KCNQ1: variants seen among roughly 807,000 people sequenced by gnomAD.
KCNQ1 encodes potassium voltage-gated channel subfamily Q member 1.
KCNQ1 carries 49 observed loss-of-function variants against 72.4 expected under a neutral mutation model. That is an observed-to-expected ratio of 0.68 (90% CI 0.54 to 0.86). The LOEUF (loss-of-function observed/expected upper bound fraction) is 0.86. Among genes scored for constraint, KCNQ1 ranks in the 40% least tolerant of loss-of-function variants. KCNQ1 has a pLI of 0.00. For synonymous variants in KCNQ1, 450 were observed against 412.6 expected, an observed-to-expected ratio of 1.09 and a Z score of -1.10; for missense variants, 790 against 945.1, an observed-to-expected ratio of 0.84 and a Z score of 2.15.
rs1459307729 is a variant in KCNQ1, at chr11:2,724,191, G to A, written c.1515-44653G>A. Among the ~76,000 whole-genome samples the A allele has an allele frequency of 6.6e-6, 1 of 152,132 alleles. No individual in the cohort carries two copies. Among genetic ancestry groups the A allele is most frequent in the Non-Finnish European group, 1.5e-5 (1 of 68,022 alleles). ...GAAGGAAAGACAGAAAGAAAAACAC[G>A]CACAGATCCAGGCTCAGATGATATA... is the stretch of plus-strand genomic sequence containing the variant. On this transcript the variant is annotated intron_variant, in intron 11 of 15. Coordinates refer to ENST00000155840, the MANE Select transcript of KCNQ1 (RefSeq NM_000218.3). This position sits in a 1 kb window ranked among gnomAD's most constrained non-coding sequence, Gnocchi z 6.8.
intron 15 of KCNQ1, among the ~76,000 whole-genome samples, chr11:2,806,025 A>G (rs1847365438): frequency 6.6e-6 from 1 of 152,180 alleles, no homozygotes; most frequent in South Asian, 2.1e-4. Context: ...ATTAGGGACA[A>G]TTATGCAGCT....
At position 2,657,170 on chromosome 11, in the gene KCNQ1, T is replaced by A. The variant is rs570340429; in HGVS notation, c.1394-4791T>A. The A allele has an allele frequency of 1.0e-5, 4 of 398,666 alleles. No homozygotes were observed. The South Asian group carries it at 5.1e-4, about 51-fold the overall frequency. The allele number at this position is 398,666 out of a possible 1,614,324, so 24.7% of individuals were successfully genotyped here. A position where few individuals can be genotyped will look rare whatever the true frequency, so the allele number is the denominator to read the frequency against. ...TTTGGTACAGCAAGTTCTCCCACCT[T>A]GTTCTTCTTCAAGAATATTGCCAAT... On this transcript the variant is annotated intron_variant, in intron 10 of 15. Coordinates refer to ENST00000155840, the MANE Select transcript of KCNQ1 (RefSeq NM_000218.3). The surrounding 1 kb of genome is among the most constrained non-coding windows in gnomAD (Gnocchi z 4.8).
Position 2,652,884 on chromosome 11 carries a change from G to A in KCNQ1, c.1394-9077G>A. On this transcript the variant is annotated intron_variant, in intron 10 of 15. Transcript: ENST00000155840. The surrounding 1 kb of genome is among the most constrained non-coding windows in gnomAD (Gnocchi z 5.9). ...CTTATTCTAAGGAGAAGTGTTTGGG[G>A]TGTGGGGTGTGGTCCTCAGTATCCT... 1 of 398,702 alleles carries A rather than the reference G, an allele frequency of 2.5e-6. No homozygotes were observed. The highest frequency in any genetic ancestry group is 4.4e-6 in the Non-Finnish European group (1 of 226,124). The allele number at this position is 398,702 out of a possible 1,614,324, so 24.7% of individuals were successfully genotyped here. A position where few individuals can be genotyped will look rare whatever the true frequency, so the allele number is the denominator to read the frequency against.
rs907023459 is a variant in KCNQ1, at chr11:2,672,228, A to G, written c.1514+10147A>G. ...GTTAAATTGAATTCCTTCCAGTCCA[A>G]AATACTCAAATGCTTTTTTCTGCTT... On this transcript the variant is annotated intron_variant, in intron 11 of 15. Coordinates refer to ENST00000155840, the MANE Select transcript of KCNQ1 (RefSeq NM_000218.3). The G allele has an allele frequency of 1.4e-4, 57 of 398,476 alleles. No homozygotes were observed. The highest frequency in any genetic ancestry group is 1.8e-4 in the Admixed American group (4 of 22,714). 24.7% of individuals were successfully genotyped at this position (398,476 alleles called of 1,614,324 possible).
rs1241425844 is a variant in KCNQ1, at chr11:2,515,121, G to T, written c.387-12807G>T. Among the ~76,000 whole-genome samples the T allele has an allele frequency of 6.6e-6, 1 of 152,144 alleles. No homozygotes were observed. Among genetic ancestry groups the T allele is most frequent in the African/African-American group, 2.4e-5 (1 of 41,416 alleles). ...GTTTGGGCTTCTCGTGCGCCCATCA[G>T]CCGGATATTGGACGTTATACTCAAT... On this transcript the variant is annotated intron_variant, in intron 1 of 15. Transcript: ENST00000155840. The surrounding 1 kb of genome is among the most constrained non-coding windows in gnomAD (Gnocchi z 4.7).
rs1298603102 is a variant in KCNQ1, at chr11:2,593,611, T to C, written c.1393+4757T>C. ...GCGTGCTGGAGGAGCATGCATCACA[T>C]ACCCAGAGGTCCCCAGTGTGGTCTG... On this transcript the variant is annotated intron_variant, in intron 10 of 15. Transcript: ENST00000155840. The surrounding 1 kb of genome is among the most constrained non-coding windows in gnomAD (Gnocchi z 6.9). Among the ~76,000 whole-genome samples the C allele has an allele frequency of 6.6e-6, 1 of 152,294 alleles. No individual in the cohort carries two copies. The highest frequency in any genetic ancestry group is 1.9e-4 in the East Asian group (1 of 5,172).
At chr11:2,700,056 C>T (rs1291088896) in intron 11 of KCNQ1, 3 of 398,034 alleles carry the variant, frequency 7.5e-6, no homozygotes, top group Non-Finnish European at 1.3e-5. Context: ...GACCGCCCCC[C>T]ACCTGCTGAT....
In KCNQ1 at chr11:2,559,440, T is replaced by A. The variant is rs1848126482; in HGVS notation, c.478-11188T>A. On this transcript the variant is annotated intron_variant, in intron 2 of 15. Transcript: ENST00000155840. The surrounding 1 kb of genome is among the most constrained non-coding windows in gnomAD (Gnocchi z 4.9). ...GGGGCAGGGGGAGGGCCAGCCCCTG[T>A]GGTTTTAGCCTCCTGAGAGTCTCCC... 6.6e-6 allele frequency among the ~76,000 whole-genome samples: 1 copy of A among 152,002 alleles called. No homozygotes were observed. Among genetic ancestry groups the A allele is most frequent in the South Asian group, 2.1e-4 (1 of 4,820 alleles).
chr11:2,793,497 G>A (rs966629081), intron 15 of KCNQ1, among the ~76,000 whole-genome samples: 3 of 152,212 alleles, frequency 2.0e-5, no homozygotes, highest in African/African-American at 4.8e-5. Flanking sequence ...GATGGTGTGT[G>A]CCTGTGGTCC....
rs1371046652 is a variant in KCNQ1 at position 2,549,262 on chromosome 11, C to A, written c.477+21244C>A. Among the ~76,000 whole-genome samples the A allele has an allele frequency of 6.6e-6, 1 of 152,188 alleles. No homozygotes were observed. Among genetic ancestry groups the A allele is most frequent in the Admixed American group, 6.5e-5 (1 of 15,288 alleles). ...AGTGCCACCAGGAGCCCACTGGTGC[C>A]AGGATGCTGGGGTGGGGCTATGGGG... is the stretch of plus-strand genomic sequence containing the variant. On this transcript the variant is annotated intron_variant, in intron 2 of 15. Coordinates refer to ENST00000155840, the MANE Select transcript of KCNQ1 (RefSeq NM_000218.3). This position sits in a 1 kb window ranked among gnomAD's most constrained non-coding sequence, Gnocchi z 6.2.
rs1032259779 is a variant in KCNQ1, at chr11:2,670,309, T to C, written c.1514+8228T>C. On this transcript the variant is annotated intron_variant, in intron 11 of 15. Transcript: ENST00000155840. The surrounding 1 kb of genome is among the most constrained non-coding windows in gnomAD (Gnocchi z 4.9). The stretch of plus-strand genomic sequence containing the variant: ...AACCCATAGGTGCCCAATGGAGAGA[T>C]AATCTCAAATATGGTAGCAGAGTTC... 1.3e-5 allele frequency: 5 copies of C among 398,454 alleles called. No individual in the cohort carries two copies. Among genetic ancestry groups the C allele is most frequent in the African/African-American group, 2.1e-5 (1 of 48,588 alleles). 24.7% of individuals were successfully genotyped at this position (398,454 alleles called of 1,614,324 possible). A position where few individuals can be genotyped will look rare whatever the true frequency, so the allele number is the denominator to read the frequency against.
chr11:2,493,763 G>A lies in KCNQ1; in HGVS notation c.387-34165G>A, dbSNP rs1846870210. On this transcript the variant is annotated intron_variant, in intron 1 of 15. Transcript: ENST00000155840. This position sits in a 1 kb window ranked among gnomAD's most constrained non-coding sequence, Gnocchi z 5.3. Reference sequence around the variant, plus strand: ...TTCGTTACTATAGCCTTGTAGTATAGTTTGAAGTCAGGTAGTGTGATGCCT... The same window carrying A: ...TTCGTTACTATAGCCTTGTAGTATAATTTGAAGTCAGGTAGTGTGATGCCT... Among the ~76,000 whole-genome samples, 1 of 152,172 alleles carries A rather than the reference G, an allele frequency of 6.6e-6. No homozygotes were observed. Among genetic ancestry groups the A allele is most frequent in the Non-Finnish European group, 1.5e-5 (1 of 68,026 alleles).
intron 2 of KCNQ1, among the ~76,000 whole-genome samples, chr11:2,531,374 A>C (rs894577125): frequency 9.9e-5 from 15 of 152,262 alleles, no homozygotes; most frequent in African/African-American, 3.6e-4. Context: ...CCCATGCGGC[A>C]TCTAAACCAG....
chr11:2,541,088 C>T lies in KCNQ1; in HGVS notation c.477+13070C>T, dbSNP rs1319307460. ...ACGTTCAGGCTCAGACACGTGCCTG[C>T]ATGCACACGTGCACACGTGCACACC... On this transcript the variant is annotated intron_variant, in intron 2 of 15. Coordinates refer to ENST00000155840, the MANE Select transcript of KCNQ1 (RefSeq NM_000218.3). This position sits in a 1 kb window ranked among gnomAD's most constrained non-coding sequence, Gnocchi z 4.8. 1.3e-5 allele frequency among the ~76,000 whole-genome samples: 2 copies of T among 152,242 alleles called. No individual in the cohort carries two copies. The highest frequency in any genetic ancestry group is 2.9e-5 in the Non-Finnish European group (2 of 68,040).
In KCNQ1 at chr11:2,446,030, A is replaced by G. The variant is rs1386709846; in HGVS notation, c.386+546A>G. The stretch of plus-strand genomic sequence containing the variant: ...GCCACGGGCCGTCCCCACGGGCCCC[A>G]CATTAACTAATTGAACCAAGCTCAT... On this transcript the variant is annotated intron_variant, in intron 1 of 15. Transcript: ENST00000155840. The surrounding 1 kb of genome is among the most constrained non-coding windows in gnomAD (Gnocchi z 8.8). Among the ~76,000 whole-genome samples, 1 of 149,612 alleles carries G rather than the reference A, an allele frequency of 6.7e-6. No homozygotes were observed. The highest frequency in any genetic ancestry group is 1.5e-5 in the Non-Finnish European group (1 of 68,014).
chr11:2,754,277 G>A (rs929784815), intron 11 of KCNQ1, among the ~76,000 whole-genome samples: 1 of 152,230 alleles, frequency 6.6e-6, no homozygotes, highest in African/African-American at 2.4e-5. Context: ...CCATGCAGTG[G>A]GCACAGGCAG....
rs1421636319 is a variant in KCNQ1, at chr11:2,778,022, C to G, written c.1779C>G (p.Asn593Lys). ...GCAACACGATCGGCGCCCGCCTGAA[C>G]CGAGTAGAAGACAAGGTAGGCTCAC... ...RGSNTIGARL[N>K]RVEDKVTQLD... The change falls in exon 15 of 16, where the codon AAC becomes AAG. Residue 593 changes from asparagine to lysine, a missense_variant. Asn to Lys is a moderately conservative substitution (Grantham distance 94, BLOSUM62 0). Around this residue, in one of 5 missense-constraint regions of KCNQ1, gnomAD observed 91 missense variants for 139.1 expected, o/e 0.65. Coordinates refer to ENST00000155840, the MANE Select transcript of KCNQ1 (RefSeq NM_000218.3). 1 of 1,613,776 alleles carries G rather than the reference C, an allele frequency of 6.2e-7. No individual in the cohort carries two copies. Among genetic ancestry groups the G allele is most frequent in the African/African-American group, 1.3e-5 (1 of 75,062 alleles).
chr11:2,736,377 T>G (rs770350231), intron 11 of KCNQ1, among the ~76,000 whole-genome samples: 6 of 152,176 alleles, frequency 3.9e-5, no homozygotes, highest in Non-Finnish European at 7.4e-5. Flanking sequence ...AGGGCCCAGG[T>G]CCCAGGCCTC....
Position 2,784,893 on chromosome 11 carries a change from T to C in KCNQ1, c.1794+6856T>C, listed in dbSNP as rs1242757059. 6.6e-6 allele frequency among the ~76,000 whole-genome samples: 1 copy of C among 152,064 alleles called. No individual in the cohort carries two copies. Among genetic ancestry groups the C allele is most frequent in the African/African-American group, 2.4e-5 (1 of 41,460 alleles). On this transcript the variant is annotated intron_variant, in intron 15 of 15. Transcript: ENST00000155840. This position sits in a 1 kb window ranked among gnomAD's most constrained non-coding sequence, Gnocchi z 4.7. The stretch of plus-strand genomic sequence containing the variant: ...TATCAATCTTGTAAACTGACTTTTC[T>C]ATTCTTGGCTTTAGCCATTTTTGTT...
Sources: allele counts gnomAD v4.1 joint callset (sites outside exome capture counted in the v4.1 genomes callset), GRCh38; gene constraint gnomAD v4.1.1; regional missense constraint gnomAD v4.1.1; non-coding constraint Gnocchi (gnomAD v3.1); transcripts MANE v1.5; gene names NCBI Gene and HGNC (gene_info 2026-07-23, HGNC 2026-07-21).